Variants in EPHA5 observed in about 807,000 individuals in gnomAD.
The protein encoded by EPHA5 is EPH receptor A5.
Under a neutral mutation model 105.0 loss-of-function variants are expected in EPHA5, and 60 were observed. The observed-to-expected ratio is 0.57, with a 90% confidence interval of 0.46 to 0.71. The LOEUF is 0.71. Ranked by LOEUF, EPHA5 falls within the 30% of genes least tolerant of loss-of-function variation. The pLI, the probability that EPHA5 is intolerant of heterozygous loss-of-function variation, is 0.00. For missense variants in EPHA5, 1,218 were observed against 1,274.7 expected (o/e 0.96, Z 0.68); for synonymous variants, 513 against 449.1 (o/e 1.14, Z -1.80).
intron 14 of EPHA5, among the ~76,000 whole-genome samples, chr4:65,340,316 T>A (rs550851580): frequency 6.6e-6 from 1 of 152,090 alleles, no homozygotes; most frequent in African/African-American, 2.4e-5. Flanking sequence ...TGTGTTGTGC[T>A]CCATTCCCAG....
intron 16 of EPHA5, among the ~76,000 whole-genome samples, chr4:65,325,724 T>G (rs901773664): frequency 2.0e-5 from 3 of 151,268 alleles, no homozygotes; most frequent in African/African-American, 7.3e-5. Flanking sequence ...ACGAGGAATA[T>G]AAGAGACATG....
At chr4:65,533,589 A>C (rs988972440) in intron 3 of EPHA5, among the ~76,000 whole-genome samples, 1 of 152,198 alleles carries the variant, frequency 6.6e-6, no homozygotes, top group Non-Finnish European at 1.5e-5. Flanking sequence ...TATCAAGTTT[A>C]AAATTAAATG....
intron 5 of EPHA5, among the ~76,000 whole-genome samples, chr4:65,431,416 A>T (rs1019807701): frequency 1.3e-5 from 2 of 152,162 alleles, no homozygotes; most frequent in African/African-American, 4.8e-5. Context: ...AACATAAAAC[A>T]TGCATGTGGA....
intron 7 of EPHA5, among the ~76,000 whole-genome samples, chr4:65,410,359 AT>A (rs1370459886): frequency 6.6e-6 from 1 of 152,228 alleles, no homozygotes; most frequent in Admixed American, 6.5e-5. Flanking sequence ...CATTTTTGAA[AT>A]TTGAAAACGT....
At chr4:65,585,987 A>G (rs1742083473) in intron 3 of EPHA5, among the ~76,000 whole-genome samples, 1 of 151,696 alleles carries the variant, frequency 6.6e-6, no homozygotes, top group Admixed American at 6.6e-5. Context: ...TGTCTCCTAA[A>G]AATAAAGAGA....
intron 5 of EPHA5, among the ~76,000 whole-genome samples, chr4:65,481,340 T>G (rs1188445611): frequency 6.6e-6 from 1 of 152,206 alleles, no homozygotes; most frequent in Non-Finnish European, 1.5e-5. Context: ...ATTTTTTGCC[T>G]TTTGAGAAAA....
chr4:65,648,242 T>C (rs1207974592), intron 1 of EPHA5, among the ~76,000 whole-genome samples: 2 of 152,238 alleles, frequency 1.3e-5, no homozygotes, highest in African/African-American at 4.8e-5. Context: ...AAATATGTTC[T>C]TCAATGATTA....
chr4:65,429,353 G>A (rs1186983267), intron 5 of EPHA5, among the ~76,000 whole-genome samples: 4 of 151,910 alleles, frequency 2.6e-5, no homozygotes, highest in African/African-American at 9.7e-5. Context: ...AGGAAATTAA[G>A]TAGTAATTAG....
At chr4:65,578,215 C>G (rs1346460075) in intron 3 of EPHA5, among the ~76,000 whole-genome samples, 1 of 152,134 alleles carries the variant, frequency 6.6e-6, no homozygotes, top group African/African-American at 2.4e-5. Context: ...TACTCCACCC[C>G]CATCCCTAGT....
chr4:65,382,515 T>C (rs1024062004), intron 8 of EPHA5, among the ~76,000 whole-genome samples: 1 of 151,876 alleles, frequency 6.6e-6, no homozygotes, highest in Non-Finnish European at 1.5e-5. Context: ...CCATCTTTCA[T>C]AAACTTTTTG....
intron 2 of EPHA5, among the ~76,000 whole-genome samples, chr4:65,630,870 A>G (rs1037226479): frequency 6.6e-6 from 1 of 152,150 alleles, no homozygotes; most frequent in African/African-American, 2.4e-5. Context: ...AATCAGCTTT[A>G]TTTGTATGGA....
intron 3 of EPHA5, among the ~76,000 whole-genome samples, chr4:65,578,332 G>C (rs1208266295): frequency 6.6e-6 from 1 of 152,112 alleles, no homozygotes. Flanking sequence ...AAAAATGATG[G>C]TTATGGGTTT....
At chr4:65,483,013 C>A (rs1016509429) in intron 5 of EPHA5, among the ~76,000 whole-genome samples, 8 of 152,186 alleles carry the variant, frequency 5.3e-5, no homozygotes, top group African/African-American at 1.9e-4. Flanking sequence ...CTCCTCACGC[C>A]CTCCACCCCA....
At chr4:65,590,509 G>A (rs1742532457) in intron 3 of EPHA5, among the ~76,000 whole-genome samples, 1 of 152,094 alleles carries the variant, frequency 6.6e-6, no homozygotes, top group African/African-American at 2.4e-5. Flanking sequence ...AAAGAACTAT[G>A]CCAGGGTTAG....
chr4:65,336,471 G>A (rs1397536469), intron 14 of EPHA5, among the ~76,000 whole-genome samples: 2 of 151,952 alleles, frequency 1.3e-5, no homozygotes, highest in Non-Finnish European at 2.9e-5. Flanking sequence ...GAATCAAATA[G>A]AGATTAAATT....
chr4:65,463,415 T>C (rs890241516), intron 5 of EPHA5, among the ~76,000 whole-genome samples: 1 of 152,202 alleles, frequency 6.6e-6, no homozygotes, highest in African/African-American at 2.4e-5. Context: ...TCCAGTCATG[T>C]GTTTTAGAAA....
At chr4:65,360,931 C>T (rs1560452175) in intron 11 of EPHA5, among the ~76,000 whole-genome samples, 1 of 151,460 alleles carries the variant, frequency 6.6e-6, no homozygotes, top group Non-Finnish European at 1.5e-5. Context: ...GGTGATAAAA[C>T]ATGTGCAGAT....
chr4:65,328,295 G>A (rs769164546), intron 16 of EPHA5, among the ~76,000 whole-genome samples: 3 of 151,118 alleles, frequency 2.0e-5, no homozygotes, highest in Non-Finnish European at 3.0e-5. Context: ...TCATTGTTGG[G>A]TTTACATTTC....
intron 5 of EPHA5, among the ~76,000 whole-genome samples, chr4:65,454,256 G>C (rs1727351923): frequency 6.6e-6 from 1 of 151,834 alleles, no homozygotes; most frequent in Admixed American, 6.6e-5. Context: ...CTCCAGCCTG[G>C]GCGACAAGAG....
Sources: gnomAD v4.1 joint callset for allele counts (sites outside exome capture counted in the v4.1 genomes callset) on GRCh38, gnomAD v4.1.1 for gene constraint, MANE v1.5 for transcripts, NCBI Gene and HGNC (gene_info 2026-07-23, HGNC 2026-07-21) for gene names.